The following DGKB variants were observed in gnomAD, a reference collection of about 807,000 sequenced individuals.
The protein encoded by DGKB is 90 kDa diacylglycerol kinase.
A neutral mutation model predicts 114.3 loss-of-function variants in DGKB; 67 were observed. The observed-to-expected ratio is 0.59, with a 90% CI of 0.48 to 0.72. The LOEUF (loss-of-function observed/expected upper bound fraction) is 0.72, where lower values mean the gene tolerates loss of function less well. Ranked by LOEUF, DGKB falls within the 30% of genes least tolerant of loss-of-function variation. The pLI, the probability that DGKB is intolerant of heterozygous loss-of-function variation, is 0.00. For missense variants in DGKB, 907 were observed against 975.2 expected, an observed-to-expected ratio of 0.93 and a Z score of 0.93; for synonymous variants, 398 against 323.1, an observed-to-expected ratio of 1.23 and a Z score of -2.49.
At chr7:14,204,618 C>T (rs745755649) in intron 23 of DGKB, among the ~76,000 whole-genome samples, 3 of 151,934 alleles carry the variant, frequency 2.0e-5, no homozygotes, top group Non-Finnish European at 4.4e-5. Context: ...CTTCATTGGC[C>T]CTTTGCCCAT....
intron 16 of DGKB, among the ~76,000 whole-genome samples, chr7:14,610,416 T>C (rs1161622757): frequency 2.0e-5 from 3 of 152,066 alleles, no homozygotes; most frequent in African/African-American, 7.2e-5. Context: ...TGAAAAAAAC[T>C]ACCTGTTGGG....
At chr7:14,696,417 C>A (rs1202302313) in intron 8 of DGKB, among the ~76,000 whole-genome samples, 2 of 144,200 alleles carry the variant, frequency 1.4e-5, no homozygotes, top group African/African-American at 5.1e-5. Flanking sequence ...ATGGAGTGAA[C>A]CCGGGAGGCG....
Position 14,178,141 on chromosome 7 carries a change from G to T in DGKB, c.2133C>A (p.Asp711Glu). The T allele has an allele frequency of 6.2e-7, 1 of 1,613,304 alleles. No homozygotes were observed. Among genetic ancestry groups the T allele is most frequent in the Non-Finnish European group, 8.5e-7 (1 of 1,179,706 alleles). The change falls in exon 24 of 26, where the codon GAC becomes GAA. Residue 711 changes from aspartate to glutamate, a missense_variant. Transcript: ENST00000402815. ...ELKFASQDLSDQLLEVVGLEG... is the reference protein window; with the variant it reads ...ELKFASQDLSEQLLEVVGLEG... ...CCAAGCCGACCACCTCCAGCAGCTG[G>T]TCACTGAGATCTGAAAGAAAGTAGA...
In DGKB at chr7:14,493,907, A is replaced by G. The variant is rs375965646; in HGVS notation, c.1771-15682T>C. ...TATAAAAAAGTCATCATAAAATACCATGGCTATCATGGTATCATACACACA... is the reference window on the plus strand; with the variant it reads ...TATAAAAAAGTCATCATAAAATACCGTGGCTATCATGGTATCATACACACA... On this transcript the variant is annotated intron_variant, in intron 20 of 25. Transcript: ENST00000402815. Among the ~76,000 whole-genome samples, 46 of 148,362 alleles carry G rather than the reference A, an allele frequency of 3.1e-4. No homozygotes were observed. The East Asian group carries it at 8.6e-3, about 28-fold the overall frequency.
At chr7:14,587,202 T>G (rs936707040) in intron 17 of DGKB, among the ~76,000 whole-genome samples, 3 of 152,042 alleles carry the variant, frequency 2.0e-5, no homozygotes, top group Admixed American at 6.6e-5. Context: ...TTGGAAGAAG[T>G]TGATGCCAAG....
chr7:14,948,061 G>T (rs957600025), intron 1 of DGKB, among the ~76,000 whole-genome samples: 1 of 151,568 alleles, frequency 6.6e-6, no homozygotes, highest in African/African-American at 2.4e-5. Context: ...TAATATATTG[G>T]CGATTTTATT....
At chr7:14,497,902 T>A (rs1785538786) in intron 20 of DGKB, among the ~76,000 whole-genome samples, 1 of 151,678 alleles carries the variant, frequency 6.6e-6, no homozygotes, top group Admixed American at 6.6e-5. Flanking sequence ...TATAACCAAG[T>A]GACACTCATG....
chr7:14,311,243 C>G, intron 23 of DGKB, among the ~76,000 whole-genome samples: 1 of 152,222 alleles, frequency 6.6e-6, no homozygotes, highest in Non-Finnish European at 1.5e-5. Context: ...AGAGTTTTGG[C>G]TGGCATTTGG....
intron 20 of DGKB, among the ~76,000 whole-genome samples, chr7:14,502,068 C>A (rs943186660): frequency 1.3e-5 from 2 of 151,938 alleles, no homozygotes; most frequent in Non-Finnish European, 2.9e-5. Flanking sequence ...CTTGTTCACA[C>A]ATGTCATACC....
intron 12 of DGKB, among the ~76,000 whole-genome samples, chr7:14,674,591 T>C (rs1256918077): frequency 1.3e-5 from 2 of 152,106 alleles, no homozygotes; most frequent in African/African-American, 4.8e-5. Context: ...GAATGTGAAC[T>C]TAATTGGAAA....
chr7:14,725,740 G>A (rs1829925328), intron 5 of DGKB, among the ~76,000 whole-genome samples: 2 of 151,994 alleles, frequency 1.3e-5, no homozygotes, highest in Non-Finnish European at 2.9e-5. Flanking sequence ...TAGAGACGGA[G>A]TTTCACCATG....
At chr7:14,634,436 A>G (rs935706738) in intron 13 of DGKB, among the ~76,000 whole-genome samples, 4 of 151,048 alleles carry the variant, frequency 2.6e-5, no homozygotes, top group African/African-American at 9.7e-5. Flanking sequence ...TAAAATATTG[A>G]TGAAGAATGA....
At chr7:14,836,142 G>A (rs575095490) in intron 2 of DGKB, among the ~76,000 whole-genome samples, 21 of 152,218 alleles carry the variant, frequency 1.4e-4, no homozygotes, top group African/African-American at 2.4e-4. Flanking sequence ...ATTCCACACC[G>A]TCAAATATTT....
At chr7:14,451,909 GCA>G (rs976284355) in intron 21 of DGKB, among the ~76,000 whole-genome samples, 15 of 148,612 alleles carry the variant, frequency 1.0e-4, no homozygotes, top group African/African-American at 3.8e-4. Context: ...TCACTCTTTT[GCA>G]CAGTCAGACT....
intron 23 of DGKB, among the ~76,000 whole-genome samples, chr7:14,202,371 G>T (rs947318180): frequency 1.2e-4 from 19 of 152,070 alleles, no homozygotes; most frequent in African/African-American, 4.3e-4. Flanking sequence ...TGAGGCTACT[G>T]ATGGAAAGTG....
At chr7:14,320,496 C>T (rs1807551030) in intron 23 of DGKB, among the ~76,000 whole-genome samples, 2 of 152,042 alleles carry the variant, frequency 1.3e-5, no homozygotes, top group Admixed American at 6.6e-5. Flanking sequence ...TCATCAACTC[C>T]ACAAAGCATC....
intron 21 of DGKB, among the ~76,000 whole-genome samples, chr7:14,398,820 G>A (rs1366439975): frequency 1.3e-5 from 2 of 151,560 alleles, no homozygotes; most frequent in African/African-American, 2.4e-5. Context: ...AGAAACAAGA[G>A]GGAGGCAAGA....
At chr7:14,649,349 T>G (rs2128894302) in intron 13 of DGKB, among the ~76,000 whole-genome samples, 1 of 151,396 alleles carries the variant, frequency 6.6e-6, no homozygotes, top group African/African-American at 2.4e-5. Context: ...TTCAACATTC[T>G]TAAAGAAAAG....
chr7:14,224,666 G>A (rs991699076), intron 23 of DGKB, among the ~76,000 whole-genome samples: 3 of 151,862 alleles, frequency 2.0e-5, no homozygotes, highest in East Asian at 3.9e-4. Flanking sequence ...TGACTGTCTG[G>A]CTTATCTTTG....
Sources: allele counts gnomAD v4.1 joint callset (sites outside exome capture counted in the v4.1 genomes callset), GRCh38; gene constraint gnomAD v4.1.1; transcripts MANE v1.5; gene names NCBI Gene and HGNC (gene_info 2026-07-23, HGNC 2026-07-21).